The following ATF7 variants were observed in gnomAD, a reference collection of about 807,000 sequenced individuals.
The protein encoded by ATF7 is cyclic AMP-dependent transcription factor ATF-7.
A neutral mutation model predicts 50.4 loss-of-function variants in ATF7; 10 were observed. The ratio of observed to expected loss-of-function variants is 0.20; its 90% CI spans 0.12 to 0.34. ATF7 has a LOEUF of 0.34. ATF7 is among the 10% of genes least tolerant of loss of function. The probability of loss-of-function intolerance (pLI) is 1.00; values close to 1 mark genes in which losing one functional copy is unlikely to be tolerated. For synonymous variants in ATF7, 201 were observed against 226.4 expected, an observed-to-expected ratio of 0.89 and a Z score of 1.01; for missense variants, 465 against 613.9, an observed-to-expected ratio of 0.76 and a Z score of 2.56.
chr12:53,537,483 C>T lies in ATF7; in HGVS notation c.334G>A (p.Val112Met). 1 of 1,613,796 alleles carries T rather than the reference C, an allele frequency of 6.2e-7. No individual in the cohort carries two copies. The highest frequency in any genetic ancestry group is 8.5e-7 in the Non-Finnish European group (1 of 1,179,862). ...TCAGGTGGGGATGAGTCTACCTCCA[C>T]TGGCTCTTCTTCTTTGATTTTGATG... ...PDIKIKEEEPVEVDSSPPDSP... is the reference protein window; with the variant it reads ...PDIKIKEEEPMEVDSSPPDSP... The change falls in exon 5 of 12, where the codon GTG (valine) becomes ATG (methionine). Residue 112 changes from valine (V) to methionine (M), a missense_variant. Coordinates refer to ENST00000420353, the MANE Select transcript of ATF7 (RefSeq NM_006856.3).
chr12:53,542,107 G>GTTTTTTTTTTTTTTTTTT (rs1199418506), intron 4 of ATF7, among the ~76,000 whole-genome samples: 3 of 101,462 alleles, frequency 3.0e-5, no homozygotes, highest in African/African-American at 1.1e-4. Context: ...CGCCTGGCCT[G>GTTTTTTTTTTTTTTTTTT]TTTTTTTTTT....
At chr12:53,571,210 G>A (rs1253273212) in intron 2 of ATF7, among the ~76,000 whole-genome samples, 3 of 151,964 alleles carry the variant, frequency 2.0e-5, no homozygotes, top group Non-Finnish European at 4.4e-5. Context: ...AGCTGGAAGA[G>A]GCAAGGAAAG....
intron 2 of ATF7, among the ~76,000 whole-genome samples, chr12:53,560,882 T>G (rs1285682542): frequency 6.6e-6 from 1 of 152,138 alleles, no homozygotes; most frequent in Non-Finnish European, 1.5e-5. Context: ...TTGGCAGTAC[T>G]TCATGGACAG....
intron 4 of ATF7, among the ~76,000 whole-genome samples, chr12:53,538,092 C>A (rs563105642): frequency 1.3e-5 from 2 of 152,100 alleles, no homozygotes; most frequent in Non-Finnish European, 1.5e-5. Flanking sequence ...TCTGTTTCCC[C>A]AACTATAAGA....
In ATF7 at chr12:53,523,321, C is replaced by G; in HGVS notation, c.1189G>C (p.Asp397His). ...QLKQLLLAHKDCPVTALQKKT... is the reference protein window; with the variant it reads ...QLKQLLLAHKHCPVTALQKKT... ...TTCTGTAGTGCAGTGACTGGGCAGT[C>G]TTTATGAGCTAACAGTAGCTGTTTC... Residue 397 changes from aspartate to histidine, a missense_variant, in exon 11 of 12, where the codon GAC becomes CAC. By Grantham distance (81) the Asp-to-His change is moderately conservative. Transcript: ENST00000420353. The G allele has an allele frequency of 6.2e-7, 1 of 1,613,972 alleles. No homozygotes were observed. The highest frequency in any genetic ancestry group is 8.5e-7 in the Non-Finnish European group (1 of 1,179,922).
At chr12:53,530,868 C>T (rs959823961) in intron 9 of ATF7, among the ~76,000 whole-genome samples, 1 of 152,094 alleles carries the variant, frequency 6.6e-6, no homozygotes. Context: ...CTCGGCCTCC[C>T]AAAGTGCTGG....
At chr12:53,626,151 C>T (rs1443442033) in intron 1 of ATF7, 128 bp downstream of exon 1, 1 of 152,992 alleles carries the variant, frequency 6.5e-6, no homozygotes, top group African/African-American at 2.4e-5. Flanking sequence ...AGGGCCCGGC[C>T]ACCGCCTCAG....
intron 1 of ATF7, among the ~76,000 whole-genome samples, chr12:53,610,847 TGAGAC>T (rs958979987): frequency 1.6e-4 from 25 of 152,188 alleles, no homozygotes; most frequent in Non-Finnish European, 1.6e-4. Context: ...CTTGTTTGTT[TGAGAC>T]AAGGTCTCGC....
At chr12:53,510,323 G>A (rs1240009335), downstream of ATF7, among the ~76,000 whole-genome samples, 1 of 152,242 alleles carries the variant, frequency 6.6e-6, no homozygotes, top group African/African-American at 2.4e-5. Context: ...ACAGGCATGA[G>A]CCATTGCACC....
chr12:53,589,780 T>G (rs2137761823), intron 2 of ATF7, among the ~76,000 whole-genome samples: 1 of 152,284 alleles, frequency 6.6e-6, no homozygotes, highest in Non-Finnish European at 1.5e-5. Context: ...ACTACAGAAA[T>G]CAGTATTTCT....
chr12:53,510,050 T>A (rs1177770546), downstream of ATF7, among the ~76,000 whole-genome samples: 1 of 151,990 alleles, frequency 6.6e-6, no homozygotes, highest in Non-Finnish European at 1.5e-5. Context: ...ATCTTTTTTT[T>A]TTTTTTGAGA....
At position 53,532,506 on chromosome 12, in the gene ATF7, T is replaced by G. The variant is rs1938963605; in HGVS notation, c.774+4A>C. ...AACATTGCCCCAGACTGGGATGTACTCACCATCTTGGCTTCTGATGGTATA... is the reference window on the plus strand; with the variant it reads ...AACATTGCCCCAGACTGGGATGTACGCACCATCTTGGCTTCTGATGGTATA... On this transcript the variant is annotated splice_donor_region_variant and intron_variant, in intron 8 of 11. Transcript: ENST00000420353. 6.3e-7 allele frequency: 1 copy of G among 1,578,110 alleles called. No homozygotes were observed. Among genetic ancestry groups the G allele is most frequent in the East Asian group, 2.3e-5 (1 of 43,996 alleles).
Position 53,513,761 on chromosome 12 carries a change from C to T in ATF7, c.*3376G>A, listed in dbSNP as rs1175735510. ...CTCTCAGTGTGGAGCAGGGGAGCCC[C>T]AGAAACCACAGGAAGAATTTTTTTG... On this transcript the variant is annotated 3_prime_UTR_variant, in exon 12 of 12. Transcript: ENST00000420353. 2 of 152,124 alleles carry T rather than the reference C, an allele frequency of 1.3e-5. No homozygotes were observed. Among genetic ancestry groups the T allele is most frequent in the East Asian group, 3.9e-4 (2 of 5,192 alleles). 9.4% of individuals were successfully genotyped at this position (152,124 alleles called of 1,614,324 possible). A position where few individuals can be genotyped will look rare whatever the true frequency, so the allele number is the denominator to read the frequency against.
At chr12:53,586,495 T>C (rs1942685800) in intron 2 of ATF7, among the ~76,000 whole-genome samples, 2 of 152,182 alleles carry the variant, frequency 1.3e-5, no homozygotes, top group Admixed American at 6.5e-5. Context: ...TCCAGGTATG[T>C]ACTACAACTG....
intron 9 of ATF7, among the ~76,000 whole-genome samples, chr12:53,528,501 G>T (rs181978404): frequency 9.3e-4 from 141 of 152,244 alleles, no homozygotes; most frequent in African/African-American, 3.3e-3. Context: ...GGTGGCTCAC[G>T]CCTGTAATCC....
chr12:53,592,811 C>A (rs960395814), intron 2 of ATF7, among the ~76,000 whole-genome samples: 4 of 152,092 alleles, frequency 2.6e-5, no homozygotes, highest in African/African-American at 9.7e-5. Context: ...AAATTATAAG[C>A]AGAAAATCAG....
intron 2 of ATF7, among the ~76,000 whole-genome samples, chr12:53,579,272 C>T (rs775070148): frequency 6.6e-6 from 1 of 151,132 alleles, no homozygotes; most frequent in African/African-American, 2.4e-5. Context: ...CAGTGGCTCA[C>T]GCCTGCAATC....
intron 1 of ATF7, among the ~76,000 whole-genome samples, chr12:53,606,516 G>A (rs1428245058): frequency 6.6e-6 from 1 of 152,016 alleles, no homozygotes; most frequent in Admixed American, 6.6e-5. Flanking sequence ...CCAAAGTGCT[G>A]GGATTACAGA....
intron 2 of ATF7, among the ~76,000 whole-genome samples, chr12:53,580,742 TAGAA>T (rs1264967831): frequency 1.3e-5 from 2 of 151,652 alleles, no homozygotes; most frequent in African/African-American, 4.8e-5. Flanking sequence ...ATATTAATTT[TAGAA>T]AGAAAGATAT....
Sources: gnomAD v4.1 joint callset for allele counts (sites outside exome capture counted in the v4.1 genomes callset) on GRCh38, gnomAD v4.1.1 for gene constraint, MANE v1.5 for transcripts, NCBI Gene and HGNC (gene_info 2026-07-23, HGNC 2026-07-21) for gene names.